OSBPL10: variants seen among roughly 807,000 people sequenced by gnomAD.
The protein encoded by OSBPL10 is oxysterol-binding protein-related protein 10.
Under a neutral mutation model 81.7 loss-of-function variants are expected in OSBPL10, and 49 were observed. The ratio of observed to expected loss-of-function variants is 0.60; its 90% CI spans 0.48 to 0.76. OSBPL10 has a LOEUF of 0.76. OSBPL10 is among the 30% of genes least tolerant of loss of function. OSBPL10 has a pLI of 0.00. For missense variants in OSBPL10, 923 were observed against 987.8 expected (o/e 0.93, Z 0.88); for synonymous variants, 419 against 383.6 (o/e 1.09, Z -1.08).
chr3:32,076,273 C>A (rs1205493232), intron 1 of OSBPL10, among the ~76,000 whole-genome samples: 1 of 151,730 alleles, frequency 6.6e-6, no homozygotes, highest in Non-Finnish European at 1.5e-5. Flanking sequence ...GAGGCTGAGG[C>A]AAGAGAATGG....
At chr3:31,783,146 T>TATATTATATATATATATACACAC (rs1485968747) in intron 4 of OSBPL10, among the ~76,000 whole-genome samples, 4 of 113,028 alleles carry the variant, frequency 3.5e-5, no homozygotes, top group Admixed American at 9.0e-5. Flanking sequence ...TATATATATA[T>TATATTATATATATATATACACAC]ACACACACAC....
At chr3:32,060,745 C>T (rs1189186556) in intron 1 of OSBPL10, among the ~76,000 whole-genome samples, 1 of 90,404 alleles carries the variant, frequency 1.1e-5, no homozygotes, top group Admixed American at 1.4e-4. Context: ...CACCTGAGGT[C>T]GGGAGTTCGC....
At chr3:31,916,564 C>A (rs57716470) in intron 1 of OSBPL10, among the ~76,000 whole-genome samples, 20,544 of 152,066 alleles carry the variant, frequency 0.14, 1,653 homozygotes, top group East Asian at 0.31. Context: ...TTTTATCACC[C>A]ACCCCCACAA....
intron 3 of OSBPL10, among the ~76,000 whole-genome samples, chr3:31,835,965 A>G (rs970765527): frequency 6.6e-6 from 1 of 152,230 alleles, no homozygotes; most frequent in African/African-American, 2.4e-5. Context: ...AATCTATTCC[A>G]GTATTTTGCT....
intron 3 of OSBPL10, among the ~76,000 whole-genome samples, chr3:31,835,320 T>C (rs1379491065): frequency 3.3e-5 from 5 of 152,188 alleles, no homozygotes; most frequent in African/African-American, 7.2e-5. Context: ...GTATTTAAAC[T>C]AATGGAAAGT....
intron 1 of OSBPL10, among the ~76,000 whole-genome samples, chr3:31,885,545 C>T (rs867100081): frequency 6.6e-6 from 1 of 152,096 alleles, no homozygotes; most frequent in Non-Finnish European, 1.5e-5. Context: ...GCCTCTACAC[C>T]CCCATCTACC....
At chr3:31,766,948 T>C (rs1698219899) in intron 4 of OSBPL10, among the ~76,000 whole-genome samples, 1 of 152,140 alleles carries the variant, frequency 6.6e-6, no homozygotes, top group African/African-American at 2.4e-5. Context: ...TACAATCTCA[T>C]AATGAAAAGC....
intron 4 of OSBPL10, among the ~76,000 whole-genome samples, chr3:31,798,308 T>C (rs1348959688): frequency 6.6e-6 from 1 of 151,966 alleles, no homozygotes; most frequent in Non-Finnish European, 1.5e-5. Flanking sequence ...CAGGTGCCTG[T>C]AATCCCAGCT....
intron 1 of OSBPL10, among the ~76,000 whole-genome samples, chr3:31,963,561 C>A (rs1698228892): frequency 1.3e-5 from 2 of 152,128 alleles, no homozygotes; most frequent in Admixed American, 1.3e-4. Flanking sequence ...AAAGAGACAA[C>A]CTGTAGAGAC....
chr3:31,696,951 G>A (rs145468013), intron 7 of OSBPL10, among the ~76,000 whole-genome samples: 9 of 152,248 alleles, frequency 5.9e-5, no homozygotes, highest in African/African-American at 1.9e-4. Context: ...CATCTCCAAC[G>A]TGTTCTTCCC....
chr3:32,015,986 A>G (rs1699310373), intron 2 of OSBPL10, among the ~76,000 whole-genome samples: 1 of 152,206 alleles, frequency 6.6e-6, no homozygotes, highest in Non-Finnish European at 1.5e-5. Flanking sequence ...GAACACTTTT[A>G]CACTGTTGGT....
chr3:31,719,955 A>AT (rs1381866711), intron 6 of OSBPL10, among the ~76,000 whole-genome samples: 2 of 151,550 alleles, frequency 1.3e-5, no homozygotes, highest in East Asian at 3.9e-4. Context: ...ACAAGGGAAG[A>AT]TACCTAAGAT....
At chr3:31,857,376 G>T (rs1480028855) in intron 3 of OSBPL10, among the ~76,000 whole-genome samples, 2 of 152,092 alleles carry the variant, frequency 1.3e-5, no homozygotes, top group Non-Finnish European at 2.9e-5. Context: ...ATCTGAACTG[G>T]CAGGAATTTG....
intron 8 of OSBPL10, among the ~76,000 whole-genome samples, chr3:31,678,938 G>T (rs1046133690): frequency 1.3e-5 from 2 of 151,898 alleles, no homozygotes; most frequent in Non-Finnish European, 2.9e-5. Flanking sequence ...GCCAACACAG[G>T]GATGCTAAAA....
chr3:32,002,375 G>T (rs1237320535), intron 2 of OSBPL10, among the ~76,000 whole-genome samples: 1 of 152,116 alleles, frequency 6.6e-6, no homozygotes, highest in Non-Finnish European at 1.5e-5. Context: ...GAAAAGAAAA[G>T]AATTACAGTA....
chr3:31,744,003 A>G (rs1697441399), intron 5 of OSBPL10, among the ~76,000 whole-genome samples: 1 of 152,148 alleles, frequency 6.6e-6, no homozygotes, highest in Non-Finnish European at 1.5e-5. Context: ...GAGATTCTGG[A>G]ATTCTATTTT....
chr3:31,882,171 G>A (rs1281215518), intron 1 of OSBPL10, among the ~76,000 whole-genome samples: 2 of 152,180 alleles, frequency 1.3e-5, no homozygotes, highest in East Asian at 1.9e-4. Flanking sequence ...ATGACTGCCC[G>A]GGTGGCAGTC....
rs34579457 is a variant in OSBPL10, at chr3:31,761,813, TAAAAAA to T, written c.730-13699_730-13694del. 5.6e-5 allele frequency among the ~76,000 whole-genome samples: 6 copies of T among 107,528 alleles called. 1 individual carries two copies. The highest frequency in any genetic ancestry group is 3.8e-4 in the African/African-American group (6 of 15,704). 70.5% of individuals were successfully genotyped at this position (107,528 alleles called of 152,430 possible). A position where few individuals can be genotyped will look rare whatever the true frequency, so the allele number is the denominator to read the frequency against. ...CTGGGCAACAGAGCAAGACTGTCTCTAAAAAAAAAAAAAAAAAACCCTAAAGGGAGT... is the reference window on the plus strand; with the variant it reads ...CTGGGCAACAGAGCAAGACTGTCTCTAAAAAAAAAAAACCCTAAAGGGAGT... On this transcript the variant is annotated intron_variant, in intron 4 of 11. Coordinates refer to ENST00000396556, the MANE Select transcript of OSBPL10 (RefSeq NM_017784.5).
At chr3:31,928,645 G>A (rs902659669) in intron 1 of OSBPL10, among the ~76,000 whole-genome samples, 9 of 151,702 alleles carry the variant, frequency 5.9e-5, no homozygotes, top group East Asian at 1.9e-4. Flanking sequence ...GCATGGTGGT[G>A]CATGCCTGTC....
Sources: allele counts gnomAD v4.1 joint callset (sites outside exome capture counted in the v4.1 genomes callset), GRCh38; gene constraint gnomAD v4.1.1; transcripts MANE v1.5; gene names NCBI Gene and HGNC (gene_info 2026-07-23, HGNC 2026-07-21).